The following LINGO2 variants were observed in gnomAD, a reference collection of about 807,000 sequenced individuals.
The protein encoded by LINGO2 is leucine-rich repeat and immunoglobulin-like domain-containing nogo receptor-interacting protein 2.
Under a neutral mutation model 30.6 loss-of-function variants are expected in LINGO2, and 14 were observed. The observed-to-expected ratio is 0.46, with a 90% CI of 0.30 to 0.72. The LOEUF is 0.72. Ranked by LOEUF, LINGO2 falls within the 30% of genes least tolerant of loss-of-function variation. LINGO2 has a pLI of 0.07. For synonymous variants in LINGO2, 317 were observed against 288.5 expected (o/e 1.10, Z -1.00); for missense variants, 729 against 751.7 (o/e 0.97, Z 0.35).
intron 2 of LINGO2, among the ~76,000 whole-genome samples, chr9:28,390,700 G>T (rs935448991): frequency 6.6e-6 from 1 of 152,132 alleles, no homozygotes; most frequent in African/African-American, 2.4e-5. Context: ...GCAAAATGGG[G>T]ATAATACACA....
intron 4 of LINGO2, among the ~76,000 whole-genome samples, chr9:28,253,640 T>C (rs938262555): frequency 1.3e-5 from 2 of 152,160 alleles, no homozygotes; most frequent in African/African-American, 4.8e-5. Flanking sequence ...GAGGTTAAGA[T>C]GGTAGGAGTT....
chr9:28,339,738 G>A (rs1295948688), intron 3 of LINGO2, among the ~76,000 whole-genome samples: 1 of 152,090 alleles, frequency 6.6e-6, no homozygotes, highest in East Asian at 1.9e-4. Flanking sequence ...AACCAGTAGT[G>A]AATATTATTT....
chr9:28,289,290 C>T (rs1015859984), intron 4 of LINGO2, among the ~76,000 whole-genome samples: 14 of 152,104 alleles, frequency 9.2e-5, no homozygotes, highest in African/African-American at 3.4e-4. Flanking sequence ...TAACCTTTAA[C>T]CATGAAAACA....
the LINGO2 span, among the ~76,000 whole-genome samples, chr9:29,070,665 C>T: frequency 7.9e-5 from 12 of 151,506 alleles, no homozygotes; most frequent in Non-Finnish European, 1.3e-4. Flanking sequence ...AAGTAGATGA[C>T]AGGATCTTGT....
chr9:28,261,530 AT>A (rs1212639623), intron 4 of LINGO2, among the ~76,000 whole-genome samples: 3 of 151,918 alleles, frequency 2.0e-5, no homozygotes, highest in African/African-American at 4.8e-5. Context: ...TAAAAAATAA[AT>A]TTGGCACGTA....
chr9:28,913,863 T>G, the LINGO2 span, among the ~76,000 whole-genome samples: 4 of 152,200 alleles, frequency 2.6e-5, no homozygotes, highest in South Asian at 8.3e-4. Flanking sequence ...GAGTACAATT[T>G]CATTTTAGAT....
rs73437470 is a variant in LINGO2, at chr9:28,450,589, T to G, written c.-279+25351A>C. Among the ~76,000 whole-genome samples the G allele has an allele frequency of 1.5e-3, 235 of 152,142 alleles. 1 individual carries two copies. The highest frequency in any genetic ancestry group is 5.3e-3 in the African/African-American group (222 of 41,542). On this transcript the variant is annotated intron_variant, in intron 2 of 5. Transcript: ENST00000379992. ...CCAAATAAAAATGGTACTTAAACAC[T>G]GAAGTATGATCAGTCACATTGGAAT...
At chr9:28,365,453 A>G (rs574737056) in intron 3 of LINGO2, among the ~76,000 whole-genome samples, 5 of 152,308 alleles carry the variant, frequency 3.3e-5, no homozygotes, top group Non-Finnish European at 5.9e-5. Context: ...AACAGGCTGT[A>G]TAGTGAAATA....
the LINGO2 span, among the ~76,000 whole-genome samples, chr9:29,090,949 C>T: frequency 6.6e-6 from 1 of 151,970 alleles, no homozygotes; most frequent in Admixed American, 6.6e-5. Context: ...CAAGAAACAT[C>T]AGCTGATTAT....
chr9:28,411,173 C>A (rs915145466), intron 2 of LINGO2, among the ~76,000 whole-genome samples: 2 of 151,736 alleles, frequency 1.3e-5, no homozygotes, highest in African/African-American at 4.8e-5. Context: ...TTTTAACAGG[C>A]ATATGAAAAC....
At chr9:28,936,799 C>T in the LINGO2 span, among the ~76,000 whole-genome samples, 1 of 152,112 alleles carries the variant, frequency 6.6e-6, no homozygotes, top group Admixed American at 6.6e-5. Flanking sequence ...TCAGCTTGAG[C>T]TGGTATAACG....
Position 28,148,192 on chromosome 9 carries a change from C to A in LINGO2, c.-86-135787G>T. 2.6e-6 allele frequency: 2 copies of A among 772,412 alleles called. No individual in the cohort carries two copies. The highest frequency in any genetic ancestry group is 3.9e-5 in the South Asian group (2 of 51,076). The allele number at this position is 772,412 out of a possible 1,614,324, so 47.8% of individuals were successfully genotyped here. On this transcript the variant is annotated intron_variant, in intron 4 of 5. Transcript: ENST00000379992. The surrounding 1 kb of genome is among the most constrained non-coding windows in gnomAD (Gnocchi z 5.1). ...GACATCTTGGGCCTTCTTTTCCAGT[C>A]AGTTGGGACGGCGCCCCTATGAGGC...
chr9:28,497,004 T>G (rs1239019253), intron 1 of LINGO2, among the ~76,000 whole-genome samples: 2 of 152,246 alleles, frequency 1.3e-5, no homozygotes, highest in Non-Finnish European at 2.9e-5. Context: ...TCTTCTGGCT[T>G]GTAGAGTTTC....
At chr9:28,216,858 T>A (rs772695068) in intron 4 of LINGO2, among the ~76,000 whole-genome samples, 5 of 151,812 alleles carry the variant, frequency 3.3e-5, no homozygotes, top group Non-Finnish European at 5.9e-5. Flanking sequence ...AAATTTCCCA[T>A]CATATAAAAG....
chr9:28,998,514 C>A, the LINGO2 span, among the ~76,000 whole-genome samples: 6 of 151,976 alleles, frequency 3.9e-5, no homozygotes, highest in African/African-American at 1.4e-4. Context: ...ATAAAAATAT[C>A]CTTCTTAAAA....
At chr9:28,323,470 C>T (rs146273545) in intron 3 of LINGO2, among the ~76,000 whole-genome samples, 4 of 152,068 alleles carry the variant, frequency 2.6e-5, no homozygotes, top group East Asian at 3.9e-4. Context: ...TGTGGTGGTG[C>T]GCACCTGTAA....
intron 2 of LINGO2, among the ~76,000 whole-genome samples, chr9:28,458,854 C>T (rs1346315294): frequency 6.6e-6 from 1 of 152,096 alleles, no homozygotes; most frequent in Non-Finnish European, 1.5e-5. Flanking sequence ...AAAATCCATA[C>T]TCTAAAAATT....
rs907696660 is a variant in LINGO2, at chr9:28,565,735, T to C, written c.-364-89710A>G. 4.0e-5 allele frequency among the ~76,000 whole-genome samples: 6 copies of C among 151,370 alleles called. No individual in the cohort carries two copies. The East Asian group carries it at 9.8e-4, about 25-fold the overall frequency. The stretch of plus-strand genomic sequence containing the variant: ...CCCACCTAATTTTTTTTGTATTTTT[T>C]AGTAGAGACGGGGTTTCACCATGTT... On this transcript the variant is annotated intron_variant, in intron 1 of 5. Transcript: ENST00000379992.
intron 1 of LINGO2, among the ~76,000 whole-genome samples, chr9:28,486,863 C>T (rs1013007650): frequency 6.6e-6 from 1 of 152,014 alleles, no homozygotes; most frequent in Non-Finnish European, 1.5e-5. Flanking sequence ...GGACATACAG[C>T]CAGACTCTCT....
Sources: allele counts gnomAD v4.1 joint callset (sites outside exome capture counted in the v4.1 genomes callset), GRCh38; gene constraint gnomAD v4.1.1; non-coding constraint Gnocchi (gnomAD v3.1); transcripts MANE v1.5; gene names NCBI Gene and HGNC (gene_info 2026-07-23, HGNC 2026-07-21).